The following MAST4 variants were observed in gnomAD, a reference collection of about 807,000 sequenced individuals.
MAST4 encodes microtubule associated serine/threonine kinase family member 4.
In MAST4, 89 loss-of-function variants were observed where a neutral mutation model predicts 162.7. That is an observed-to-expected ratio of 0.55 (90% CI 0.46 to 0.65). The LOEUF (loss-of-function observed/expected upper bound fraction) is 0.65, where lower values mean the gene tolerates loss of function less well. MAST4 is among the 30% of genes least tolerant of loss of function. The pLI is 0.00. For synonymous variants in MAST4, 1,479 were observed against 1,361.1 expected (o/e 1.09, Z -1.91); for missense variants, 3,153 against 3,374.0 (o/e 0.93, Z 1.62).
At chr5:66,683,677 C>T (rs895081428) in intron 1 of MAST4, among the ~76,000 whole-genome samples, 1 of 152,124 alleles carries the variant, frequency 6.6e-6, no homozygotes, top group African/African-American at 2.4e-5. Context: ...AGATGACCTG[C>T]CTTGGGGTTG....
At position 67,163,456 on chromosome 5, in the gene MAST4, ACAT is replaced by A. The variant is rs1305883877; in HGVS notation, c.4279_4281del (p.Ile1427del). ...CACTCCCCGCCCACCATCGTCAGAC[ACAT>A]CGTGAGGCCCAAGAGTGCGGAGCCC... On this transcript the variant is annotated inframe_deletion, in exon 29 of 29. Transcript: ENST00000403625. This position sits in a 1 kb window ranked among gnomAD's most constrained non-coding sequence, Gnocchi z 7.0. 3 of 1,613,478 alleles carry A rather than the reference ACAT, an allele frequency of 1.9e-6. No individual in the cohort carries two copies. In the South Asian group the frequency reaches 3.3e-5, roughly 18 times the overall value.
intron 3 of MAST4, among the ~76,000 whole-genome samples, chr5:66,889,291 A>G (rs985293844): frequency 6.6e-6 from 1 of 152,154 alleles, no homozygotes; most frequent in Non-Finnish European, 1.5e-5. Flanking sequence ...AGTAACAAGA[A>G]ACATAGTTAA....
intron 4 of MAST4, among the ~76,000 whole-genome samples, chr5:67,033,361 G>C (rs1581268225): frequency 1.2e-5 from 1 of 85,248 alleles, no homozygotes; most frequent in Non-Finnish European, 2.5e-5. Flanking sequence ...TTTTTTTTCA[G>C]ATTGTTACAG....
At chr5:66,748,600 T>G (rs1002202469) in intron 1 of MAST4, among the ~76,000 whole-genome samples, 8 of 151,656 alleles carry the variant, frequency 5.3e-5, no homozygotes, top group African/African-American at 1.9e-4. Flanking sequence ...GCAGTTCTCC[T>G]GCCTCAGCCT....
intron 4 of MAST4, among the ~76,000 whole-genome samples, chr5:66,960,946 C>G (rs1362555448): frequency 6.6e-6 from 1 of 152,166 alleles, no homozygotes; most frequent in East Asian, 1.9e-4. Context: ...GTTTTGGTAT[C>G]AGGCCACGCC....
chr5:66,618,403 C>G (rs966307616), intron 1 of MAST4, among the ~76,000 whole-genome samples: 2 of 152,188 alleles, frequency 1.3e-5, no homozygotes, highest in African/African-American at 4.8e-5. Context: ...TTTTCCCTGA[C>G]CTTCTCCCTC....
intron 4 of MAST4, among the ~76,000 whole-genome samples, chr5:66,963,042 G>A (rs1746206261): frequency 6.6e-6 from 1 of 151,144 alleles, no homozygotes; most frequent in Non-Finnish European, 1.5e-5. Context: ...AATAATCATG[G>A]TGGTTTGGAT....
At chr5:66,606,224 G>A (rs1442678362) in intron 1 of MAST4, among the ~76,000 whole-genome samples, 2 of 152,080 alleles carry the variant, frequency 1.3e-5, no homozygotes, top group African/African-American at 4.8e-5. Context: ...ATGTTTGGGG[G>A]CAAAGCCTTT....
chr5:66,861,944 T>C (rs1408073789), intron 3 of MAST4, among the ~76,000 whole-genome samples: 2 of 152,184 alleles, frequency 1.3e-5, no homozygotes, highest in African/African-American at 2.4e-5. Context: ...CTGTTTCACA[T>C]AGGAACCTGT....
chr5:66,912,645 G>T (rs13184625), intron 4 of MAST4, among the ~76,000 whole-genome samples: 4,987 of 152,140 alleles, frequency 0.033, 151 homozygotes, highest in African/African-American at 0.076. Context: ...TAGAATCATG[G>T]GGAGAAATGC....
chr5:66,609,546 C>T (rs192462534), intron 1 of MAST4, among the ~76,000 whole-genome samples: 2 of 151,056 alleles, frequency 1.3e-5, no homozygotes, highest in African/African-American at 4.9e-5. Flanking sequence ...CATACTACCA[C>T]GGCCAGCTAA....
chr5:67,095,262 T>C (rs1028390482), intron 6 of MAST4, among the ~76,000 whole-genome samples: 2 of 152,066 alleles, frequency 1.3e-5, no homozygotes, highest in African/African-American at 2.4e-5. Context: ...CAGATGAGAG[T>C]GTTTTCCTCC....
At chr5:66,608,546 G>A (rs573609599) in intron 1 of MAST4, among the ~76,000 whole-genome samples, 51 of 151,816 alleles carry the variant, frequency 3.4e-4, no homozygotes, top group African/African-American at 1.1e-3. Flanking sequence ...GTATGTCTCT[G>A]TCAGTATCCC....
chr5:66,888,471 A>G (rs12189007), intron 3 of MAST4, among the ~76,000 whole-genome samples: 4,759 of 152,338 alleles, frequency 0.031, 122 homozygotes, highest in Middle Eastern at 0.051. Context: ...AATAAAAATG[A>G]TTAATCTCAG....
chr5:67,017,402 A>G (rs1753432968), intron 4 of MAST4, among the ~76,000 whole-genome samples: 1 of 152,198 alleles, frequency 6.6e-6, no homozygotes, highest in Non-Finnish European at 1.5e-5. Flanking sequence ...AGAGTTACTC[A>G]GATGTGTACT....
intron 1 of MAST4, among the ~76,000 whole-genome samples, chr5:66,661,586 A>G (rs545545382): frequency 6.6e-6 from 1 of 152,204 alleles, no homozygotes; most frequent in African/African-American, 2.4e-5. Context: ...GTGACTGCCT[A>G]TAGTATTTGT....
chr5:66,718,495 G>A (rs750404858), intron 1 of MAST4, among the ~76,000 whole-genome samples: 1 of 152,032 alleles, frequency 6.6e-6, no homozygotes, highest in Non-Finnish European at 1.5e-5. Flanking sequence ...CGTGTGTGGT[G>A]GTATCTGTCT....
intron 4 of MAST4, among the ~76,000 whole-genome samples, chr5:66,953,071 A>C (rs1360300357): frequency 6.6e-6 from 1 of 152,238 alleles, no homozygotes; most frequent in Admixed American, 6.5e-5. Context: ...AGACAATGAC[A>C]ATGTTAATAA....
intron 4 of MAST4, among the ~76,000 whole-genome samples, chr5:66,993,906 TG>T (rs1486673460): frequency 7.4e-6 from 1 of 135,844 alleles, no homozygotes; most frequent in Non-Finnish European, 1.6e-5. Context: ...ATAGAATCAA[TG>T]GGTGTGCAGA....
Sources: allele counts gnomAD v4.1 joint callset (sites outside exome capture counted in the v4.1 genomes callset), GRCh38; gene constraint gnomAD v4.1.1; non-coding constraint Gnocchi (gnomAD v3.1); transcripts MANE v1.5; gene names NCBI Gene and HGNC (gene_info 2026-07-23, HGNC 2026-07-21).